Variants in TNIK observed in about 807,000 individuals in gnomAD.
The protein encoded by TNIK is TRAF2 and NCK-interacting protein kinase.
Under a neutral mutation model 191.3 loss-of-function variants are expected in TNIK, and 49 were observed. That is an observed-to-expected ratio of 0.26 (90% CI 0.20 to 0.32). The LOEUF (loss-of-function observed/expected upper bound fraction) is 0.32. Among genes scored for constraint, TNIK ranks in the 10% least tolerant of loss-of-function variants. The pLI is 1.00. For synonymous variants in TNIK, 594 were observed against 600.9 expected (o/e 0.99, Z 0.17); for missense variants, 1,155 against 1,702.3 (o/e 0.68, Z 5.66).
At chr3:171,428,665 G>A (rs910442081) in intron 1 of TNIK, among the ~76,000 whole-genome samples, 10 of 108,332 alleles carry the variant, frequency 9.2e-5, no homozygotes, top group Non-Finnish European at 1.5e-4. Flanking sequence ...GAGCACTCCC[G>A]CAGGGCAACC....
At chr3:171,454,310 G>C (rs1728544021) in intron 1 of TNIK, among the ~76,000 whole-genome samples, 1 of 152,170 alleles carries the variant, frequency 6.6e-6, no homozygotes, top group African/African-American at 2.4e-5. Flanking sequence ...GGGCACGGAA[G>C]ATTAATTCCA....
At chr3:171,126,278 T>C in intron 16 of TNIK, 127 bp from the exon 17 acceptor site, 1 of 1,205,060 alleles carries the variant, frequency 8.3e-7, no homozygotes, top group African/African-American at 1.6e-5. Flanking sequence ...AGAGAGTCTA[T>C]CACAACTATA....
intron 2 of TNIK, among the ~76,000 whole-genome samples, chr3:171,282,541 G>A (rs901380909): frequency 2.0e-5 from 3 of 151,784 alleles, no homozygotes; most frequent in Non-Finnish European, 2.9e-5. Flanking sequence ...ACGGGGTTTC[G>A]CCATGTTGGC....
chr3:171,097,115 T>C (rs1722833452), intron 22 of TNIK, among the ~76,000 whole-genome samples: 1 of 152,180 alleles, frequency 6.6e-6, no homozygotes. Context: ...TTAAACTTAA[T>C]GTATATAAAT....
intron 2 of TNIK, among the ~76,000 whole-genome samples, chr3:171,240,787 C>G (rs1744868542): frequency 6.6e-6 from 1 of 152,118 alleles, no homozygotes; most frequent in Non-Finnish European, 1.5e-5. Context: ...ATCCTCCTTC[C>G]CTGCTTTACA....
chr3:171,314,100 A>T (rs1401373176), intron 2 of TNIK, among the ~76,000 whole-genome samples: 1 of 152,198 alleles, frequency 6.6e-6, no homozygotes, highest in African/African-American at 2.4e-5. Context: ...TATATAGATG[A>T]AAAGTAAAAT....
intron 2 of TNIK, among the ~76,000 whole-genome samples, chr3:171,338,926 C>T (rs1365416634): frequency 2.0e-5 from 3 of 152,168 alleles, no homozygotes; most frequent in Non-Finnish European, 4.4e-5. Flanking sequence ...ACGTTTGAAT[C>T]TAGGACTGTC....
intron 9 of TNIK, 24 bp from the exon 10 acceptor site, chr3:171,167,294 C>T: frequency 1.2e-6 from 2 of 1,606,720 alleles, no homozygotes; most frequent in East Asian, 2.2e-5. Flanking sequence ...GAAATGAATC[C>T]ACAGATAAAA....
At chr3:171,221,028 A>G (rs1742254859) in intron 3 of TNIK, among the ~76,000 whole-genome samples, 1 of 152,170 alleles carries the variant, frequency 6.6e-6, no homozygotes, top group Non-Finnish European at 1.5e-5. Flanking sequence ...GACAGATGCT[A>G]AAGTGTGCAT....
chr3:171,451,103 T>C (rs143910179), intron 1 of TNIK, among the ~76,000 whole-genome samples: 133 of 152,340 alleles, frequency 8.7e-4, no homozygotes, highest in African/African-American at 3.0e-3. Flanking sequence ...TATTCTTGTG[T>C]AGTCCCCTTC....
chr3:171,294,068 TAC>T (rs1472896379), intron 2 of TNIK, among the ~76,000 whole-genome samples: 4 of 113,108 alleles, frequency 3.5e-5, no homozygotes, highest in Admixed American at 8.3e-5. Flanking sequence ...CTACTAAAAA[TAC>T]AAAAAAAAAT....
Position 171,060,917 on chromosome 3 carries a change from A to AG in TNIK, c.*2963dup, listed in dbSNP as rs770992502. Among the ~76,000 whole-genome samples the AG allele has an allele frequency of 1.3e-5, 2 of 152,158 alleles. No individual in the cohort carries two copies. Among genetic ancestry groups the AG allele is most frequent in the Non-Finnish European group, 2.9e-5 (2 of 68,024 alleles). On this transcript the variant is annotated 3_prime_UTR_variant, in exon 33 of 33. Transcript: ENST00000436636. ...GGCAGATCTAGTGAAACTTACTCTG[A>AG]GGGGAGGGCTCAGTTTCTCCAGTTT...
intron 16 of TNIK, among the ~76,000 whole-genome samples, chr3:171,127,957 A>T (rs6444963): frequency 6.6e-6 from 1 of 152,066 alleles, no homozygotes; most frequent in Non-Finnish European, 1.5e-5. Context: ...GGAATTCCTT[A>T]ATCTATTTCA....
At chr3:171,262,533 C>T (rs1747776102) in intron 2 of TNIK, among the ~76,000 whole-genome samples, 1 of 152,170 alleles carries the variant, frequency 6.6e-6, no homozygotes. Context: ...ACAGAAGCAA[C>T]AAGTGAGAAA....
intron 1 of TNIK, among the ~76,000 whole-genome samples, chr3:171,437,722 C>T (rs900116854): frequency 5.9e-5 from 9 of 152,234 alleles, no homozygotes; most frequent in Admixed American, 3.3e-4. Context: ...CTGAAATCCA[C>T]CTATAATCTG....
chr3:171,213,467 T>A (rs1301633928), intron 3 of TNIK, among the ~76,000 whole-genome samples: 2 of 151,980 alleles, frequency 1.3e-5, no homozygotes, highest in Non-Finnish European at 2.9e-5. Context: ...CTTCTACAAG[T>A]ATTTACCGCT....
intron 15 of TNIK, among the ~76,000 whole-genome samples, chr3:171,133,365 A>G (rs995687106): frequency 5.9e-5 from 9 of 152,366 alleles, no homozygotes; most frequent in African/African-American, 2.2e-4. Context: ...TGAATTGGTC[A>G]TATGAAATCC....
chr3:171,161,779 G>A (rs1038195709), intron 10 of TNIK, among the ~76,000 whole-genome samples: 1 of 152,022 alleles, frequency 6.6e-6, no homozygotes, highest in African/African-American at 2.4e-5. Context: ...AATTAGCCGG[G>A]CGTGGTGGCG....
At chr3:171,397,564 A>G (rs1720415687) in intron 1 of TNIK, among the ~76,000 whole-genome samples, 1 of 152,218 alleles carries the variant, frequency 6.6e-6, no homozygotes, top group Non-Finnish European at 1.5e-5. Context: ...CTCATCTTGA[A>G]GTGAAATTAG....
Sources: gnomAD v4.1 joint callset for allele counts (sites outside exome capture counted in the v4.1 genomes callset) on GRCh38, gnomAD v4.1.1 for gene constraint, MANE v1.5 for transcripts, NCBI Gene and HGNC (gene_info 2026-07-23, HGNC 2026-07-21) for gene names.